TENM2: variants seen among roughly 807,000 people sequenced by gnomAD.
The protein encoded by TENM2 is teneurin transmembrane protein 2.
In TENM2, 52 loss-of-function variants were observed where a neutral mutation model predicts 245.2. That is an observed-to-expected ratio of 0.21 (90% CI 0.17 to 0.27). The LOEUF is 0.27. Ranked by LOEUF, TENM2 falls within the 10% of genes least tolerant of loss-of-function variation. The pLI is 1.00. For missense variants in TENM2, 3,046 were observed against 3,666.8 expected (o/e 0.83, Z 4.37); for synonymous variants, 1,363 against 1,438.9 (o/e 0.95, Z 1.19).
chr5:167,113,837 T>G, the TENM2 span, among the ~76,000 whole-genome samples: 1 of 152,172 alleles, frequency 6.6e-6, no homozygotes, highest in Non-Finnish European at 1.5e-5. Flanking sequence ...AACTGTCTGA[T>G]CCTTAGTCCT....
intron 4 of TENM2, among the ~76,000 whole-genome samples, chr5:167,974,125 A>G (rs1481919526): frequency 2.3e-3 from 1 of 428 alleles, no homozygotes; most frequent in African/African-American, 9.3e-3. Flanking sequence ...GGAGGAAGGA[A>G]GGAAGGAAGG....
chr5:167,834,291 C>A (rs1256115882), intron 2 of TENM2, among the ~76,000 whole-genome samples: 1 of 152,164 alleles, frequency 6.6e-6, no homozygotes, highest in African/African-American at 2.4e-5. Context: ...ATAGATCTTA[C>A]TACAAAAAGT....
chr5:167,528,721 G>A (rs997067671), intron 2 of TENM2, among the ~76,000 whole-genome samples: 12 of 152,064 alleles, frequency 7.9e-5, no homozygotes, highest in East Asian at 3.9e-4. Context: ...AGTGTTCAGC[G>A]TTCGTAGCTG....
At chr5:168,249,468 G>A (rs1052015190) in intron 27 of TENM2, among the ~76,000 whole-genome samples, 1 of 148,486 alleles carries the variant, frequency 6.7e-6, no homozygotes. Context: ...GTGTGTGTGT[G>A]TGTGTGTGTG....
chr5:167,643,798 C>A (rs1473198686), intron 2 of TENM2, among the ~76,000 whole-genome samples: 1 of 152,118 alleles, frequency 6.6e-6, no homozygotes, highest in Non-Finnish European at 1.5e-5. Context: ...GGTTAAAAAA[C>A]AAAGTTCTAG....
At chr5:167,384,917 A>T (rs554071492) in intron 2 of TENM2, among the ~76,000 whole-genome samples, 35 of 152,342 alleles carry the variant, frequency 2.3e-4, no homozygotes, top group Admixed American at 9.1e-4. Flanking sequence ...AAATTCAAAA[A>T]GCATATAATT....
intron 2 of TENM2, among the ~76,000 whole-genome samples, chr5:167,405,769 A>ACAAACACACACACACACAC (rs1762599972): frequency 2.1e-5 from 3 of 145,186 alleles, no homozygotes; most frequent in African/African-American, 7.6e-5. Context: ...CACACACACA[A>ACAAACACACACACACACAC]ACACACACAC....
intron 2 of TENM2, among the ~76,000 whole-genome samples, chr5:167,874,294 T>G (rs1032600661): frequency 1.3e-5 from 2 of 152,166 alleles, no homozygotes; most frequent in African/African-American, 4.8e-5. Flanking sequence ...CTTACTTATT[T>G]TTGTATCCTC....
chr5:168,029,489 A>G (rs74773770), intron 5 of TENM2, among the ~76,000 whole-genome samples: 2,236 of 152,300 alleles, frequency 0.015, 28 homozygotes, highest in Middle Eastern at 0.034. Context: ...AGGAATGCTT[A>G]TAGACAGATG....
the TENM2 span, among the ~76,000 whole-genome samples, chr5:167,114,084 G>A: frequency 6.6e-6 from 1 of 151,788 alleles, no homozygotes; most frequent in Non-Finnish European, 1.5e-5. Flanking sequence ...TGTTATGACT[G>A]CTCCCTTCCC....
intron 17 of TENM2, among the ~76,000 whole-genome samples, chr5:168,202,488 T>C (rs1762015564): frequency 6.7e-6 from 1 of 150,336 alleles, no homozygotes; most frequent in South Asian, 2.1e-4. Context: ...ATGACCCTAA[T>C]AGATTTTGAT....
At chr5:168,172,278 C>A (rs1288393898) in intron 13 of TENM2, among the ~76,000 whole-genome samples, 2 of 152,222 alleles carry the variant, frequency 1.3e-5, no homozygotes, top group African/African-American at 4.8e-5. Context: ...AGGAACACAT[C>A]TGTCTGAGGG....
rs560640773 is a variant in TENM2 at position 167,429,886 on chromosome 5, A to C, written c.502+54413A>C. On this transcript the variant is annotated intron_variant, in intron 2 of 28. Coordinates refer to ENST00000518659, the Ensembl canonical transcript of TENM2. Reference sequence around the variant, plus strand: ...CCTCCCAAAGTGCTGGGATTACAGGAGGAAACTCTCTTAAAATACATCATG... The same window carrying C: ...CCTCCCAAAGTGCTGGGATTACAGGCGGAAACTCTCTTAAAATACATCATG... Among the ~76,000 whole-genome samples the C allele has an allele frequency of 4.1e-4, 62 of 152,202 alleles. 1 individual carries two copies. In the South Asian group the frequency reaches 0.012, roughly 28 times the overall value.
chr5:167,723,150 G>T (rs1311182857), intron 2 of TENM2, among the ~76,000 whole-genome samples: 6 of 152,140 alleles, frequency 3.9e-5, no homozygotes, highest in Non-Finnish European at 7.3e-5. Flanking sequence ...CACATTTTTA[G>T]GTCCCACTGT....
At chr5:167,141,531 A>T in the TENM2 span, among the ~76,000 whole-genome samples, 2 of 152,248 alleles carry the variant, frequency 1.3e-5, no homozygotes, top group Non-Finnish European at 2.9e-5. Context: ...TAATATATTC[A>T]GTTATATGCT....
At chr5:167,540,365 T>G (rs13359666) in intron 2 of TENM2, among the ~76,000 whole-genome samples, 6,964 of 152,216 alleles carry the variant, frequency 0.046, 558 homozygotes, top group African/African-American at 0.16. Context: ...ATGTGTGTGT[T>G]TTTGTACAGC....
chr5:167,136,098 A>AT, the TENM2 span, among the ~76,000 whole-genome samples: 2 of 152,194 alleles, frequency 1.3e-5, no homozygotes, highest in South Asian at 4.1e-4. Flanking sequence ...GATTACATGC[A>AT]TTTTGTATTT....
At chr5:167,466,062 C>A (rs538887212) in intron 2 of TENM2, among the ~76,000 whole-genome samples, 3 of 152,138 alleles carry the variant, frequency 2.0e-5, no homozygotes, top group Non-Finnish European at 4.4e-5. Flanking sequence ...CCCCTCTCCC[C>A]CCTCAGTCTG....
upstream of TENM2, among the ~76,000 whole-genome samples, chr5:167,282,049 A>G (rs867612342): frequency 1.3e-5 from 2 of 151,664 alleles, no homozygotes; most frequent in Non-Finnish European, 2.9e-5. Context: ...TTCCACTCTG[A>G]GCATGATTTA....
Sources: allele counts gnomAD v4.1 joint callset (sites outside exome capture counted in the v4.1 genomes callset), GRCh38; gene constraint gnomAD v4.1.1; transcripts MANE v1.5; gene names NCBI Gene and HGNC (gene_info 2026-07-23, HGNC 2026-07-21).